The following FHIT variants were observed in gnomAD, a reference collection of about 807,000 sequenced individuals.
The protein encoded by FHIT is fragile histidine triad diadenosine triphosphatase.
In FHIT, 19 loss-of-function variants were observed where a neutral mutation model predicts 17.9. The ratio of observed to expected loss-of-function variants is 1.06; its 90% CI spans 0.74 to 1.56. The LOEUF (loss-of-function observed/expected upper bound fraction) is 1.56. Ranked by LOEUF, FHIT falls within the 40% of genes most tolerant of loss-of-function variation. FHIT has a pLI of 0.00. For missense variants in FHIT, 248 were observed against 189.2 expected (o/e 1.31, Z -1.82); for synonymous variants, 81 against 69.7 (o/e 1.16, Z -0.81).
At chr3:60,722,986 G>T (rs1553708497) in intron 4 of FHIT, among the ~76,000 whole-genome samples, 1 of 152,070 alleles carries the variant, frequency 6.6e-6, no homozygotes, top group Admixed American at 6.5e-5. Flanking sequence ...CTCCCAAAGT[G>T]CTGGGATTAC....
chr3:60,284,153 A>G (rs1348097174), intron 5 of FHIT, among the ~76,000 whole-genome samples: 1 of 152,146 alleles, frequency 6.6e-6, no homozygotes, highest in Non-Finnish European at 1.5e-5. Context: ...TGAAGAGCAA[A>G]CTGAAAATGA....
intron 3 of FHIT, among the ~76,000 whole-genome samples, chr3:60,921,766 C>T (rs575522311): frequency 5.3e-5 from 8 of 152,108 alleles, no homozygotes; most frequent in South Asian, 2.1e-4. Context: ...CAGAGAATTC[C>T]GCTGCTGAAA....
At chr3:60,170,087 T>C (rs1225685302) in intron 5 of FHIT, among the ~76,000 whole-genome samples, 1 of 152,132 alleles carries the variant, frequency 6.6e-6, no homozygotes, top group South Asian at 2.1e-4. Flanking sequence ...GGTACAGGCA[T>C]ATAACTAAAC....
chr3:61,213,574 A>C (rs1013069577), intron 1 of FHIT, among the ~76,000 whole-genome samples: 6 of 152,196 alleles, frequency 3.9e-5, no homozygotes, highest in African/African-American at 1.4e-4. Context: ...TTAACAACCC[A>C]CTGTCAACAT....
At chr3:60,951,382 C>G (rs1708878517) in intron 3 of FHIT, among the ~76,000 whole-genome samples, 1 of 152,158 alleles carries the variant, frequency 6.6e-6, no homozygotes, top group African/African-American at 2.4e-5. Flanking sequence ...TTTTTCGAGT[C>G]ATGGAACACT....
chr3:60,653,494 CA>C lies in FHIT; in HGVS notation c.-17-116516del, dbSNP rs1332176496. On this transcript the variant is annotated intron_variant, in intron 4 of 9. Coordinates refer to ENST00000492590, the MANE Select transcript of FHIT (RefSeq NM_002012.4). ...CTAAGGATGACTAACCAAATTTTCACAATAAGAAAAAAAGAAACTGGAGTGG... is the reference window on the plus strand; with the variant it reads ...CTAAGGATGACTAACCAAATTTTCACATAAGAAAAAAAGAAACTGGAGTGG... Among the ~76,000 whole-genome samples the C allele has an allele frequency of 5.6e-5, 6 of 106,828 alleles. No individual in the cohort carries two copies. The East Asian group carries it at 1.5e-3, about 27-fold the overall frequency. The allele number at this position is 106,828 out of a possible 152,430, so 70.1% of individuals were successfully genotyped here. A position where few individuals can be genotyped will look rare whatever the true frequency, so the allele number is the denominator to read the frequency against.
intron 7 of FHIT, among the ~76,000 whole-genome samples, chr3:59,998,134 A>G (rs1261999599): frequency 2.0e-5 from 3 of 151,994 alleles, no homozygotes; most frequent in African/African-American, 7.2e-5. Context: ...TTGCTTTTCT[A>G]TTTTCCTAAA....
chr3:60,428,935 C>T (rs1334093834), intron 5 of FHIT, among the ~76,000 whole-genome samples: 1 of 152,068 alleles, frequency 6.6e-6, no homozygotes, highest in Non-Finnish European at 1.5e-5. Context: ...ATTGGATATG[C>T]TTGACAACTT....
rs544034933 is a variant in FHIT at position 60,052,526 on chromosome 3, A to G, written c.104-38374T>C. ...ACCAGTAGGCAGCTCATCTGAAAAC[A>G]GTAGGAGGGAAAAGAGGGAATCCTA... On this transcript the variant is annotated intron_variant, in intron 5 of 9. Coordinates refer to ENST00000492590, the MANE Select transcript of FHIT (RefSeq NM_002012.4). 1.2e-3 allele frequency among the ~76,000 whole-genome samples: 187 copies of G among 152,230 alleles called. 1 individual carries two copies. The highest frequency in any genetic ancestry group is 1.6e-3 in the Non-Finnish European group (106 of 68,002).
At chr3:61,120,131 T>C (rs1467451026) in intron 2 of FHIT, among the ~76,000 whole-genome samples, 1 of 152,194 alleles carries the variant, frequency 6.6e-6, no homozygotes, top group African/African-American at 2.4e-5. Context: ...CTGTCACTAG[T>C]GAACCAGGGC....
intron 4 of FHIT, among the ~76,000 whole-genome samples, chr3:60,761,059 T>TC (rs1699632694): frequency 6.6e-6 from 1 of 152,076 alleles, no homozygotes; most frequent in Non-Finnish European, 1.5e-5. Context: ...AAAGCCCAGC[T>TC]CCTAGATATA....
intron 5 of FHIT, among the ~76,000 whole-genome samples, chr3:60,398,071 TA>T: frequency 6.6e-6 from 1 of 152,212 alleles, no homozygotes; most frequent in East Asian, 1.9e-4. Flanking sequence ...TCTACTCTAC[TA>T]ACTCTCCAGT....
At chr3:60,094,434 C>G (rs555421319) in intron 5 of FHIT, among the ~76,000 whole-genome samples, 15 of 130,268 alleles carry the variant, frequency 1.2e-4, no homozygotes, top group African/African-American at 4.6e-4. Context: ...TTTTGTATCA[C>G]CTGGAAAAAA....
intron 5 of FHIT, among the ~76,000 whole-genome samples, chr3:60,513,397 T>C (rs937842031): frequency 2.0e-5 from 3 of 152,354 alleles, no homozygotes; most frequent in South Asian, 2.1e-4. Flanking sequence ...ATAAATGTGT[T>C]GTACTCTGTT....
chr3:59,987,101 A>T (rs1228160882), intron 7 of FHIT, among the ~76,000 whole-genome samples: 2 of 129,670 alleles, frequency 1.5e-5, no homozygotes, highest in Non-Finnish European at 3.4e-5. Context: ...ATGAAGATAT[A>T]AAAAATCTAT....
At chr3:60,910,211 G>C (rs1320598517) in intron 3 of FHIT, among the ~76,000 whole-genome samples, 1 of 152,146 alleles carries the variant, frequency 6.6e-6, no homozygotes, top group Non-Finnish European at 1.5e-5. Flanking sequence ...TGCAGTTAGA[G>C]AGAAGGCTTT....
At chr3:60,279,013 G>A (rs1237022890) in intron 5 of FHIT, among the ~76,000 whole-genome samples, 2 of 151,926 alleles carry the variant, frequency 1.3e-5, no homozygotes, top group East Asian at 1.9e-4. Flanking sequence ...AAAGCAATCA[G>A]AAGAAAAACA....
At chr3:60,083,687 C>T (rs531845255) in intron 5 of FHIT, among the ~76,000 whole-genome samples, 33 of 152,268 alleles carry the variant, frequency 2.2e-4, no homozygotes, top group African/African-American at 7.5e-4. Context: ...ATATTTTATG[C>T]TTTTCAGTAT....
chr3:60,494,010 G>C (rs1232079332), intron 5 of FHIT, among the ~76,000 whole-genome samples: 1 of 152,050 alleles, frequency 6.6e-6, no homozygotes, highest in African/African-American at 2.4e-5. Flanking sequence ...ATGTATCTTT[G>C]TCCATTAATA....
Sources: gnomAD v4.1 joint callset for allele counts (sites outside exome capture counted in the v4.1 genomes callset) on GRCh38, gnomAD v4.1.1 for gene constraint, MANE v1.5 for transcripts, NCBI Gene and HGNC (gene_info 2026-07-23, HGNC 2026-07-21) for gene names.